Variants in HIRA observed in about 807,000 individuals in gnomAD.
The protein encoded by HIRA is protein HIRA.
A neutral mutation model predicts 126.6 loss-of-function variants in HIRA; 13 were observed. The ratio of observed to expected loss-of-function variants is 0.10; its 90% confidence interval spans 0.07 to 0.16. The LOEUF is 0.16. Among genes scored for constraint, HIRA ranks in the 10% least tolerant of loss-of-function variants. The pLI is 1.00. For synonymous variants in HIRA, 511 were observed against 520.0 expected, an observed-to-expected ratio of 0.98 and a Z score of 0.24; for missense variants, 834 against 1,314.4, an observed-to-expected ratio of 0.63 and a Z score of 5.65.
intron 1 of HIRA, among the ~76,000 whole-genome samples, chr22:19,423,456 TACACACACTGACTCACACACATGCATAC>T (rs1250892849): frequency 1.5e-5 from 2 of 133,670 alleles, no homozygotes; most frequent in Non-Finnish European, 3.3e-5. Context: ...GCTGAAAACA[TACACACACTGACTCACACACATGCATAC>T]ACACACACAC....
chr22:19,386,454 A>G (rs1030713254), intron 11 of HIRA, among the ~76,000 whole-genome samples: 2 of 152,252 alleles, frequency 1.3e-5, no homozygotes, highest in Admixed American at 1.3e-4. Context: ...GATTCTGCTC[A>G]AGAACAGGGA....
intron 6 of HIRA, among the ~76,000 whole-genome samples, chr22:19,397,453 T>C (rs1048180470): frequency 6.6e-6 from 1 of 152,254 alleles, no homozygotes; most frequent in African/African-American, 2.4e-5. Context: ...CTGGTGGCTT[T>C]CAAAGAGTTA....
chr22:19,337,571 A>C (rs1371596687), intron 24 of HIRA, among the ~76,000 whole-genome samples: 3 of 152,190 alleles, frequency 2.0e-5, no homozygotes, highest in African/African-American at 7.2e-5. Flanking sequence ...GAAATCTAAA[A>C]GTCTGAAAAA....
intron 21 of HIRA, among the ~76,000 whole-genome samples, chr22:19,355,383 T>G (rs1402269817): frequency 1.3e-5 from 2 of 152,218 alleles, no homozygotes; most frequent in East Asian, 3.8e-4. Flanking sequence ...TGAGGAAGTC[T>G]GAAGTGCTTA....
intron 17 of HIRA, among the ~76,000 whole-genome samples, chr22:19,359,808 A>G (rs928990577): frequency 6.6e-6 from 1 of 152,212 alleles, no homozygotes; most frequent in African/African-American, 2.4e-5. Context: ...CTCACAAGGG[A>G]GTAACGTGCC....
At chr22:19,378,638 T>C (rs1443377719) in intron 13 of HIRA, among the ~76,000 whole-genome samples, 1 of 152,262 alleles carries the variant, frequency 6.6e-6, no homozygotes, top group Admixed American at 6.5e-5. Context: ...GTGCCTCCAG[T>C]CATGTCTGCA....
At chr22:19,334,555 G>A (rs1319801628) in intron 24 of HIRA, among the ~76,000 whole-genome samples, 2 of 151,358 alleles carry the variant, frequency 1.3e-5, no homozygotes, top group Non-Finnish European at 2.9e-5. Context: ...GGGAGGCTGA[G>A]GCGGCTGGAT....
chr22:19,332,241 C>T (rs2088498290), intron 24 of HIRA, among the ~76,000 whole-genome samples: 1 of 152,134 alleles, frequency 6.6e-6, no homozygotes, highest in Non-Finnish European at 1.5e-5. Flanking sequence ...ACGAGAAGGT[C>T]TAAGATCTTG....
chr22:19,369,224 C>A (rs2088942239), intron 15 of HIRA, among the ~76,000 whole-genome samples: 1 of 152,108 alleles, frequency 6.6e-6, no homozygotes, highest in Non-Finnish European at 1.5e-5. Context: ...GAGGGTGGAG[C>A]AGAAGACCCA....
chr22:19,381,756 T>C (rs775031965), intron 13 of HIRA, among the ~76,000 whole-genome samples: 1 of 152,152 alleles, frequency 6.6e-6, no homozygotes, highest in Non-Finnish European at 1.5e-5. Context: ...CCTTGTAAGA[T>C]TTTGATATAT....
At chr22:19,372,420 T>C (rs1281825843) in intron 15 of HIRA, among the ~76,000 whole-genome samples, 1 of 152,232 alleles carries the variant, frequency 6.6e-6, no homozygotes, top group South Asian at 2.1e-4. Context: ...ATTTTTAAGC[T>C]GTGTTATTCG....
rs752351447 is a variant in HIRA at position 19,388,509 on chromosome 22, C to T, written c.982G>A (p.Asp328Asn). The T allele has an allele frequency of 1.2e-6, 2 of 1,613,430 alleles. No homozygotes were observed. Among genetic ancestry groups the T allele is most frequent in the Admixed American group, 3.3e-5 (2 of 60,008 alleles). The change falls in exon 10 of 25, where the codon GAC becomes AAC. Residue 328 changes from aspartate (D) to asparagine (N), a missense_variant. Transcript: ENST00000263208. ...RPLVVIHELF[D>N]KSIMDISWTL... ...CAGGAAATATCCATGATGGATTTGT[C>T]AAACAGTTCATGGATGACCACCAGC...
At chr22:19,337,732 A>T (rs922090843) in intron 24 of HIRA, among the ~76,000 whole-genome samples, 5 of 152,204 alleles carry the variant, frequency 3.3e-5, no homozygotes, top group Admixed American at 3.3e-4. Context: ...AAGTCAAGAC[A>T]AAGGAAAGAA....
intron 14 of HIRA, among the ~76,000 whole-genome samples, chr22:19,376,984 A>C (rs946135168): frequency 6.6e-6 from 1 of 152,200 alleles, no homozygotes; most frequent in Non-Finnish European, 1.5e-5. Context: ...TCTGGGGAAA[A>C]GCCCAGACTA....
At chr22:19,395,630 T>A (rs1262389672) in intron 7 of HIRA, among the ~76,000 whole-genome samples, 1 of 152,204 alleles carries the variant, frequency 6.6e-6, no homozygotes, top group East Asian at 1.9e-4. Context: ...AGTGGGCAAA[T>A]GCGTGCTCTT....
chr22:19,405,773 C>G lies in HIRA; in HGVS notation c.397+13G>C. ...TCAGGGGCCCACCCACCCCAACAGG[C>G]AGTCCCACTCACCGCCTGAATGATT... On this transcript the variant is annotated intron_variant, in intron 5 of 24. Coordinates refer to ENST00000263208, the MANE Select transcript of HIRA (RefSeq NM_003325.4). The G allele has an allele frequency of 7.1e-7, 1 of 1,399,228 alleles. No homozygotes were observed. The highest frequency in any genetic ancestry group is 1.7e-5 in the South Asian group (1 of 57,748). The allele number at this position is 1,399,228 out of a possible 1,614,324, so 86.7% of individuals were successfully genotyped here. A position where few individuals can be genotyped will look rare whatever the true frequency, so the allele number is the denominator to read the frequency against.
chr22:19,413,401 T>C (rs1185215196), intron 1 of HIRA, among the ~76,000 whole-genome samples: 1 of 152,074 alleles, frequency 6.6e-6, no homozygotes, highest in African/African-American at 2.4e-5. Context: ...TTTTATTTTA[T>C]TTTTATTATT....
chr22:19,334,117 G>A (rs927110053), intron 24 of HIRA, among the ~76,000 whole-genome samples: 3 of 151,826 alleles, frequency 2.0e-5, no homozygotes, highest in African/African-American at 4.8e-5. Context: ...TGGGACTACA[G>A]GCGCCGGCCA....
intron 1 of HIRA, among the ~76,000 whole-genome samples, chr22:19,426,032 A>G (rs1431012753): frequency 1.3e-5 from 2 of 152,130 alleles, no homozygotes; most frequent in Non-Finnish European, 2.9e-5. Context: ...AATAAAGAAA[A>G]TATATAAGTA....
Sources: allele counts gnomAD v4.1 joint callset (sites outside exome capture counted in the v4.1 genomes callset), GRCh38; gene constraint gnomAD v4.1.1; transcripts MANE v1.5; gene names NCBI Gene and HGNC (gene_info 2026-07-23, HGNC 2026-07-21).